Variants in MYRIP observed in about 807,000 individuals in gnomAD.
MYRIP encodes rab effector MyRIP.
Under a neutral mutation model 98.0 loss-of-function variants are expected in MYRIP, and 49 were observed. That is an observed-to-expected ratio of 0.50 (90% confidence interval 0.40 to 0.63). MYRIP has a LOEUF of 0.63. MYRIP is among the 30% of genes least tolerant of loss of function. The pLI is 0.00. For missense variants in MYRIP, 1,004 were observed against 1,058.2 expected (o/e 0.95, Z 0.71); for synonymous variants, 404 against 409.5 (o/e 0.99, Z 0.16).
At chr3:39,865,199 C>T (rs369478300) in intron 1 of MYRIP, among the ~76,000 whole-genome samples, 19 of 152,194 alleles carry the variant, frequency 1.2e-4, no homozygotes, top group East Asian at 3.9e-4. Flanking sequence ...CTATAAAAAC[C>T]TTAGACGATA....
intron 11 of MYRIP, among the ~76,000 whole-genome samples, chr3:40,218,612 T>TTATATATATATATATA (rs751894190): frequency 1.8e-3 from 25 of 13,528 alleles, no homozygotes; most frequent in South Asian, 8.4e-3. Context: ...TATATATATT[T>TTATATATATATATATA]TATATATATA....
intron 3 of MYRIP, among the ~76,000 whole-genome samples, chr3:40,120,927 C>G (rs1412830526): frequency 6.6e-6 from 1 of 152,198 alleles, no homozygotes; most frequent in Non-Finnish European, 1.5e-5. Context: ...GAAACCATTT[C>G]ATTCCCCCAT....
chr3:39,832,742 T>C (rs549257398), intron 1 of MYRIP, among the ~76,000 whole-genome samples: 14 of 152,312 alleles, frequency 9.2e-5, no homozygotes, highest in Non-Finnish European at 1.5e-4. Flanking sequence ...GCAGTAGGAA[T>C]GTTGTCCTCT....
chr3:40,192,919 C>T (rs1002969786), intron 10 of MYRIP, among the ~76,000 whole-genome samples: 1 of 152,070 alleles, frequency 6.6e-6, no homozygotes, highest in African/African-American at 2.4e-5. Flanking sequence ...ATAGAAAATG[C>T]AGAATAAGCT....
intron 2 of MYRIP, among the ~76,000 whole-genome samples, chr3:39,931,249 A>G (rs1279310909): frequency 1.3e-5 from 2 of 151,650 alleles, no homozygotes; most frequent in Non-Finnish European, 2.9e-5. Context: ...AAATCTTGTA[A>G]TTTTTTGTTA....
intron 11 of MYRIP, among the ~76,000 whole-genome samples, chr3:40,216,870 A>G (rs1384269844): frequency 6.6e-6 from 1 of 152,210 alleles, no homozygotes; most frequent in Non-Finnish European, 1.5e-5. Flanking sequence ...CTGATCAAAG[A>G]AACACATGAC....
intron 4 of MYRIP, among the ~76,000 whole-genome samples, chr3:40,159,274 G>T (rs1054492945): frequency 1.1e-4 from 16 of 151,686 alleles, no homozygotes; most frequent in Non-Finnish European, 2.1e-4. Context: ...GGCTGGATAT[G>T]AAATTCTGGG....
chr3:39,894,932 G>T lies in MYRIP; in HGVS notation c.-30-5855G>T, dbSNP rs1027797933. Among the ~76,000 whole-genome samples, 26 of 152,132 alleles carry T rather than the reference G, an allele frequency of 1.7e-4. 1 individual carries two copies. Among genetic ancestry groups the T allele is most frequent in the Admixed American group, 6.5e-4 (10 of 15,268 alleles). On this transcript the variant is annotated intron_variant, in intron 1 of 16. Coordinates refer to ENST00000302541, the MANE Select transcript of MYRIP (RefSeq NM_015460.4). ...ACTTACTTATAGCCCCTCTACAAAT[G>T]TATATAAGTACCTGTGTTCCCAGAA...
At chr3:39,897,784 T>C (rs911720651) in intron 1 of MYRIP, among the ~76,000 whole-genome samples, 5 of 151,984 alleles carry the variant, frequency 3.3e-5, no homozygotes, top group African/African-American at 1.2e-4. Context: ...CTTGTCCATT[T>C]GGAGCTATTT....
Position 40,254,318 on chromosome 3 carries a change from TAGTC to T in MYRIP, c.2547+2321_2547+2324del, listed in dbSNP as rs574579636. Among the ~76,000 whole-genome samples, 1,041 of 151,616 alleles carry T rather than the reference TAGTC, an allele frequency of 6.9e-3. 10 individuals are homozygous for T. The highest frequency in any genetic ancestry group is 6.1e-3 in the Non-Finnish European group (416 of 67,854). On this transcript the variant is annotated intron_variant, in intron 16 of 16. Coordinates refer to ENST00000302541, the MANE Select transcript of MYRIP (RefSeq NM_015460.4). ...CATGTAAGAGGAGGGTAGGGAAAAATAGTCATTCATGCCTTTGTCTGGCTCAGTG... is the reference window on the plus strand; with the variant it reads ...CATGTAAGAGGAGGGTAGGGAAAAATATTCATGCCTTTGTCTGGCTCAGTG...
At chr3:40,132,993 G>A (rs1159706301) in intron 3 of MYRIP, among the ~76,000 whole-genome samples, 1 of 152,230 alleles carries the variant, frequency 6.6e-6, no homozygotes, top group South Asian at 2.1e-4. Context: ...GGCTCATGGT[G>A]GGAACTAACA....
At chr3:40,250,070 A>G (rs1027974373) in intron 13 of MYRIP, 152 bp from the exon 14 acceptor site, 8 of 647,582 alleles carry the variant, frequency 1.2e-5, no homozygotes, top group Non-Finnish European at 1.9e-5. Flanking sequence ...TACACACTAG[A>G]TAGAGGAGTG....
intron 3 of MYRIP, among the ~76,000 whole-genome samples, chr3:40,131,288 A>G (rs1177929056): frequency 6.6e-6 from 1 of 152,134 alleles, no homozygotes; most frequent in African/African-American, 2.4e-5. Flanking sequence ...ACTCTTATCT[A>G]TATTTATCTC....
chr3:39,818,931 A>G (rs1016434499), intron 1 of MYRIP, among the ~76,000 whole-genome samples: 8 of 152,244 alleles, frequency 5.3e-5, no homozygotes, highest in African/African-American at 1.7e-4. Flanking sequence ...ATACATAGGT[A>G]TATATTTTTG....
chr3:39,999,080 A>G (rs1292817714), intron 2 of MYRIP, among the ~76,000 whole-genome samples: 1 of 152,248 alleles, frequency 6.6e-6, no homozygotes, highest in Non-Finnish European at 1.5e-5. Context: ...AAACCCTAGA[A>G]GAAAACCTAG....
At chr3:40,218,612 T>TTA (rs751894190) in intron 11 of MYRIP, among the ~76,000 whole-genome samples, 158 of 13,494 alleles carry the variant, frequency 0.012, 1 homozygote, top group African/African-American at 0.017. Flanking sequence ...TATATATATT[T>TTA]TATATATATA....
chr3:40,019,260 C>T (rs1469922613), intron 2 of MYRIP, among the ~76,000 whole-genome samples: 2 of 152,120 alleles, frequency 1.3e-5, no homozygotes, highest in African/African-American at 4.8e-5. Flanking sequence ...TTAACCTGCT[C>T]CCCAGCCTTT....
chr3:40,052,050 T>A (rs1361169826), intron 3 of MYRIP, among the ~76,000 whole-genome samples: 1 of 152,196 alleles, frequency 6.6e-6, no homozygotes, highest in Non-Finnish European at 1.5e-5. Context: ...ACAATTCTTT[T>A]CTTCCAGCTA....
At chr3:39,844,380 A>G (rs1941897605) in intron 1 of MYRIP, among the ~76,000 whole-genome samples, 1 of 152,192 alleles carries the variant, frequency 6.6e-6, no homozygotes, top group Non-Finnish European at 1.5e-5. Flanking sequence ...GTTGGTGTCA[A>G]TTATATCTCA....
Sources: allele counts gnomAD v4.1 joint callset (sites outside exome capture counted in the v4.1 genomes callset), GRCh38; gene constraint gnomAD v4.1.1; transcripts MANE v1.5; gene names NCBI Gene and HGNC (gene_info 2026-07-23, HGNC 2026-07-21).